The following REC114 variants were observed in gnomAD, a reference collection of about 807,000 sequenced individuals.
The protein encoded by REC114 is REC114 meiotic recombination protein.
REC114 carries 27 observed loss-of-function variants against 31.3 expected under a neutral mutation model. The ratio of observed to expected loss-of-function variants is 0.86; its 90% CI spans 0.64 to 1.19. The LOEUF (loss-of-function observed/expected upper bound fraction) is 1.19. Ranked by LOEUF, REC114 falls within the 50% of genes most tolerant of loss-of-function variation. The pLI, the probability that REC114 is intolerant of heterozygous loss-of-function variation, is 0.00. For synonymous variants in REC114, 134 were observed against 127.7 expected, an observed-to-expected ratio of 1.05 and a Z score of -0.33; for missense variants, 344 against 326.9, an observed-to-expected ratio of 1.05 and a Z score of -0.40.
chr15:73,523,874 A>AG (rs1307080843), intron 2 of REC114, among the ~76,000 whole-genome samples: 6 of 152,132 alleles, frequency 3.9e-5, no homozygotes, highest in Admixed American at 3.9e-4. Context: ...GTATGATGTG[A>AG]GGTAAGGGTC....
intron 2 of REC114, among the ~76,000 whole-genome samples, chr15:73,531,890 T>G (rs1009760067): frequency 4.3e-4 from 65 of 152,212 alleles, no homozygotes; most frequent in African/African-American, 1.5e-3. Context: ...CCCTCTTAGC[T>G]TCCACATTAC....
At chr15:73,514,608 T>C (rs544724817) in intron 2 of REC114, among the ~76,000 whole-genome samples, 1 of 152,328 alleles carries the variant, frequency 6.6e-6, no homozygotes, top group East Asian at 1.9e-4. Flanking sequence ...AGTGGAAGTA[T>C]TCATAATGGG....
intron 2 of REC114, among the ~76,000 whole-genome samples, chr15:73,531,450 C>T (rs1894081399): frequency 6.6e-6 from 1 of 152,156 alleles, no homozygotes; most frequent in African/African-American, 2.4e-5. Flanking sequence ...TAGAAACGCA[C>T]TTCATAATTT....
At chr15:73,540,449 G>A in intron 2 of REC114, 36 bp from the exon 3 acceptor site, 1 of 1,464,520 alleles carries the variant, frequency 6.8e-7, no homozygotes, top group Non-Finnish European at 9.6e-7. Flanking sequence ...TCATATTTTT[G>A]TTTCTGTTGC....
At chr15:73,515,990 T>C (rs949139893) in intron 2 of REC114, among the ~76,000 whole-genome samples, 4 of 142,704 alleles carry the variant, frequency 2.8e-5, no homozygotes, top group African/African-American at 1.0e-4. Context: ...TAGCTTTTTC[T>C]TTTTTTTTTT....
chr15:73,534,222 C>A (rs1285719900), intron 2 of REC114, among the ~76,000 whole-genome samples: 6 of 152,158 alleles, frequency 3.9e-5, no homozygotes, highest in Non-Finnish European at 8.8e-5. Context: ...ATACAAAAAA[C>A]CCTTCAAAAA....
chr15:73,544,252 A>G (rs1894280017), intron 3 of REC114, among the ~76,000 whole-genome samples: 1 of 152,098 alleles, frequency 6.6e-6, no homozygotes, highest in Admixed American at 6.6e-5. Flanking sequence ...CCTTTGATCT[A>G]TTGACTTGAT....
intron 2 of REC114, among the ~76,000 whole-genome samples, chr15:73,502,340 G>C (rs1893614686): frequency 6.6e-6 from 1 of 152,024 alleles, no homozygotes; most frequent in African/African-American, 2.4e-5. Context: ...AGGATGCAGG[G>C]GTTAGGGGCA....
intron 2 of REC114, among the ~76,000 whole-genome samples, chr15:73,501,958 C>T (rs776741731): frequency 2.6e-5 from 4 of 151,952 alleles, no homozygotes; most frequent in African/African-American, 9.7e-5. Context: ...TGAAAATAAA[C>T]TCAGTATTTA....
intron 2 of REC114, among the ~76,000 whole-genome samples, chr15:73,538,455 C>CTT (rs34642401): frequency 0.22 from 27,085 of 123,980 alleles, 4,130 homozygotes; most frequent in Non-Finnish European, 0.3. Flanking sequence ...AATTCTATTT[C>CTT]TTTTTTTTTT....
chr15:73,497,428 A>T (rs575398741), intron 2 of REC114, among the ~76,000 whole-genome samples: 1 of 152,306 alleles, frequency 6.6e-6, no homozygotes, highest in African/African-American at 2.4e-5. Flanking sequence ...TAGGTTATCC[A>T]TCACTATCAT....
Position 73,557,430 on chromosome 15 carries a change from A to G in REC114, c.636+1039A>G, listed in dbSNP as rs112054240. ...TCAGTAGTTTAAAAAAAAAAAAAAA[A>G]AAAGAAAAAAAGGGTTTTCTCCATC... is the stretch of plus-strand genomic sequence containing the variant. On this transcript the variant is annotated intron_variant, in intron 5 of 5. Transcript: ENST00000331090. Among the ~76,000 whole-genome samples, 1,298 of 151,414 alleles carry G rather than the reference A, an allele frequency of 8.6e-3. 7 individuals carry two copies. Among genetic ancestry groups the G allele is most frequent in the African/African-American group, 0.027 (1,105 of 41,194 alleles).
At chr15:73,533,252 A>G (rs1367769586) in intron 2 of REC114, among the ~76,000 whole-genome samples, 1 of 73,738 alleles carries the variant, frequency 1.4e-5, no homozygotes, top group African/African-American at 5.8e-5. Context: ...AAATTGGATA[A>G]AGAGTCAAGA....
chr15:73,475,676 GA>G (rs1893201891), intron 2 of REC114, among the ~76,000 whole-genome samples: 1 of 152,024 alleles, frequency 6.6e-6, no homozygotes, highest in Non-Finnish European at 1.5e-5. Flanking sequence ...TGTGATTGAA[GA>G]AAGATACTTT....
chr15:73,495,360 T>C (rs1446566021), intron 2 of REC114, among the ~76,000 whole-genome samples: 2 of 152,192 alleles, frequency 1.3e-5, no homozygotes, highest in African/African-American at 4.8e-5. Context: ...TCTTCGGGGC[T>C]AAGTTCTGGT....
At chr15:73,483,105 T>C (rs1893317536) in intron 2 of REC114, 3 of 152,216 alleles carry the variant, frequency 2.0e-5, no homozygotes, top group Admixed American at 6.5e-5. Context: ...ATTAGTGAGA[T>C]TGAGCGTCTT....
At chr15:73,505,393 T>G (rs1893662210) in intron 2 of REC114, among the ~76,000 whole-genome samples, 1 of 152,120 alleles carries the variant, frequency 6.6e-6, no homozygotes. Flanking sequence ...GAAAACAGTT[T>G]TTTGTCCAAT....
At chr15:73,544,424 G>T (rs965605612) in intron 3 of REC114, among the ~76,000 whole-genome samples, 1 of 151,950 alleles carries the variant, frequency 6.6e-6, no homozygotes, top group African/African-American at 2.4e-5. Context: ...TCCTTTTATA[G>T]CAATTTAATA....
rs1456446447 is a variant in REC114, at chr15:73,443,364, A to G, written c.159+20A>G. Reference sequence around the variant, plus strand: ...TGGAAGGTGAGGCCCGAAGGCAGGAATATCCCTGAGGTGCCCACAGCCCTC... The same window carrying G: ...TGGAAGGTGAGGCCCGAAGGCAGGAGTATCCCTGAGGTGCCCACAGCCCTC... On this transcript the variant is annotated intron_variant, in intron 1 of 5. Coordinates refer to ENST00000331090, the MANE Select transcript of REC114 (RefSeq NM_001042367.2). 1 of 1,554,950 alleles carries G rather than the reference A, an allele frequency of 6.4e-7. No individual in the cohort carries two copies. The highest frequency in any genetic ancestry group is 2.4e-5 in the East Asian group (1 of 41,624).
Sources: gnomAD v4.1 joint callset for allele counts (sites outside exome capture counted in the v4.1 genomes callset) on GRCh38, gnomAD v4.1.1 for gene constraint, MANE v1.5 for transcripts, NCBI Gene and HGNC (gene_info 2026-07-23, HGNC 2026-07-21) for gene names.